Variants in PTPRN2 observed in about 807,000 individuals in gnomAD.
PTPRN2 encodes the protein receptor-type tyrosine-protein phosphatase N2.
Under a neutral mutation model 118.8 loss-of-function variants are expected in PTPRN2, and 74 were observed. That is an observed-to-expected ratio of 0.62 (90% CI 0.52 to 0.76). PTPRN2 has a LOEUF of 0.76. Among genes scored for constraint, PTPRN2 ranks in the 30% least tolerant of loss-of-function variants. The pLI is 0.00. For missense variants in PTPRN2, 1,481 were observed against 1,394.4 expected (o/e 1.06, Z -0.99); for synonymous variants, 641 against 608.0 (o/e 1.05, Z -0.80).
intron 21 of PTPRN2, among the ~76,000 whole-genome samples, chr7:157,558,131 A>AATTCCGAGTCCT (rs112376581): frequency 5.5e-4 from 72 of 129,882 alleles, no homozygotes; most frequent in African/African-American, 2.1e-3. Context: ...ATGGCTCCAC[A>AATTCCGAGTCCT]ATTCCGAGTC....
chr7:158,342,111 A>C lies in PTPRN2; in HGVS notation c.164-25179T>G, dbSNP rs1326406058. ...GGTGTCACCTGCAGACGTCACTCAC[A>C]CCCACACTCTCACCATAAGAGCTGT... is the stretch of plus-strand genomic sequence containing the variant. On this transcript the variant is annotated intron_variant, in intron 2 of 22. Transcript: ENST00000389418. 7.5e-5 allele frequency among the ~76,000 whole-genome samples: 11 copies of C among 145,854 alleles called. No individual in the cohort carries two copies. The East Asian group carries it at 2.1e-3, about 28-fold the overall frequency.
Position 158,133,766 on chromosome 7 carries a change from C to T in PTPRN2, c.1467G>A (p.Ala489=), listed in dbSNP as rs145928904. The stretch of plus-strand genomic sequence containing the variant: ...CGTCGCTGAGGGCCTCCTGAGCACC[C>T]GCTGGAAGGCTCTGCTCCTCCTTCG... ...GPSKEEQSLP[A]GAQEALSDGL... Residue 489 remains alanine, a synonymous_variant, in exon 9 of 23, where the codon GCG becomes GCA. Coordinates refer to ENST00000389418, the MANE Select transcript of PTPRN2 (RefSeq NM_002847.5). 11 of 1,613,768 alleles carry T rather than the reference C, an allele frequency of 6.8e-6. No individual in the cohort carries two copies. Among genetic ancestry groups the T allele is most frequent in the South Asian group, 2.2e-5 (2 of 91,084 alleles).
intron 12 of PTPRN2, among the ~76,000 whole-genome samples, chr7:157,833,612 G>A (rs1048717623): frequency 2.6e-5 from 4 of 152,236 alleles, no homozygotes; most frequent in South Asian, 2.1e-4. Context: ...AGTGTGTGAC[G>A]TGGCCGGAGC....
At chr7:158,493,884 CAT>C (rs1821633041) in intron 1 of PTPRN2, among the ~76,000 whole-genome samples, 2 of 152,088 alleles carry the variant, frequency 1.3e-5, no homozygotes, top group African/African-American at 4.8e-5. Context: ...GACACGTACA[CAT>C]ATGCATGCAC....
intron 2 of PTPRN2, among the ~76,000 whole-genome samples, chr7:158,336,590 C>T (rs1478131405): frequency 6.9e-6 from 1 of 145,884 alleles, no homozygotes; most frequent in Non-Finnish European, 1.5e-5. Flanking sequence ...CTGCAGACGT[C>T]ATTCACACCC....
At chr7:158,133,543 G>T in intron 9 of PTPRN2, 134 bp downstream of exon 9, 3 of 1,272,262 alleles carry the variant, frequency 2.4e-6, no homozygotes, top group Non-Finnish European at 3.2e-6. Context: ...CTCCAGGGAT[G>T]CCTGCACCCC....
At chr7:157,725,558 C>T (rs2952638) in intron 12 of PTPRN2, among the ~76,000 whole-genome samples, 1,462 of 74,174 alleles carry the variant, frequency 0.02, no homozygotes, top group East Asian at 0.064. Context: ...GATATCCACA[C>T]GCAGAGGAGT....
At chr7:157,937,658 A>G (rs185545835) in intron 11 of PTPRN2, among the ~76,000 whole-genome samples, 196 of 152,338 alleles carry the variant, frequency 1.3e-3, no homozygotes, top group Admixed American at 2.5e-3. Flanking sequence ...GACTCTCACC[A>G]GCTGCTGAGA....
intron 14 of PTPRN2, among the ~76,000 whole-genome samples, chr7:157,654,813 T>A (rs1164337816): frequency 6.6e-6 from 1 of 152,182 alleles, no homozygotes; most frequent in Non-Finnish European, 1.5e-5. Flanking sequence ...CACCTTGAAA[T>A]GTGGAAATAT....
At chr7:158,086,305 A>T (rs571662071) in intron 10 of PTPRN2, among the ~76,000 whole-genome samples, 12 of 152,162 alleles carry the variant, frequency 7.9e-5, no homozygotes, top group Admixed American at 2.0e-4. Context: ...TGAGATAACC[A>T]TCAGAACAGA....
chr7:158,271,283 A>T (rs1288926480), intron 3 of PTPRN2, among the ~76,000 whole-genome samples: 1 of 152,162 alleles, frequency 6.6e-6, no homozygotes, highest in Non-Finnish European at 1.5e-5. Flanking sequence ...TCTTGGATTA[A>T]ATGCTTTTGA....
chr7:158,207,784 A>G (rs1417583142), intron 3 of PTPRN2, among the ~76,000 whole-genome samples: 1 of 152,154 alleles, frequency 6.6e-6, no homozygotes, highest in East Asian at 1.9e-4. Flanking sequence ...CACCAAACGA[A>G]CTAAATAAGG....
intron 12 of PTPRN2, among the ~76,000 whole-genome samples, chr7:157,702,573 G>A (rs1374251691): frequency 6.6e-6 from 1 of 152,188 alleles, no homozygotes; most frequent in African/African-American, 2.4e-5. Context: ...GGCGTGCTGC[G>A]GCGTTGGTGA....
chr7:158,227,343 C>G lies in PTPRN2; in HGVS notation c.278-22070G>C, dbSNP rs139241072. On this transcript the variant is annotated intron_variant, in intron 3 of 22. Coordinates refer to ENST00000389418, the MANE Select transcript of PTPRN2 (RefSeq NM_002847.5). ...GGTGAGAGAGAGGCGGTATTCATTT[C>G]AAACGCGGTAATACTGAGAGATAAA... Among the ~76,000 whole-genome samples the G allele has an allele frequency of 5.6e-3, 853 of 152,270 alleles. 5 individuals are homozygous for G. Among genetic ancestry groups the G allele is most frequent in the African/African-American group, 0.019 (799 of 41,574 alleles).
rs183821993 is a variant in PTPRN2, at chr7:158,134,078, C to T, written c.1174-19G>A. On this transcript the variant is annotated intron_variant, in intron 8 of 22. Transcript: ENST00000389418. ...GATGGACCTGACAGAGAGGACATTC[C>T]GTGAGGGACGTCTGCGAAAGGAATG... 19 of 1,602,348 alleles carry T rather than the reference C, an allele frequency of 1.2e-5. No homozygotes were observed. Among genetic ancestry groups the T allele is most frequent in the African/African-American group, 1.1e-4 (8 of 74,684 alleles).
chr7:157,618,781 AGG>A lies in PTPRN2; in HGVS notation c.2344+2579_2344+2580del, dbSNP rs1395576967. ...TGTGTTCATGAAAATATTTCTATCTAGGGTTCTCCCAGGAGGTGAACTTGCCG... is the reference window on the plus strand; with the variant it reads ...TGTGTTCATGAAAATATTTCTATCTAGTTCTCCCAGGAGGTGAACTTGCCG... On this transcript the variant is annotated intron_variant, in intron 15 of 22. Transcript: ENST00000389418. The surrounding 1 kb of genome is among the most constrained non-coding windows in gnomAD (Gnocchi z 4.2). 16 of 152,244 alleles carry A rather than the reference AGG, an allele frequency of 1.1e-4. No homozygotes were observed. The highest frequency in any genetic ancestry group is 3.9e-4 in the African/African-American group (16 of 41,446). 9.4% of individuals were successfully genotyped at this position (152,244 alleles called of 1,614,324 possible). A position where few individuals can be genotyped will look rare whatever the true frequency, so the allele number is the denominator to read the frequency against.
At chr7:157,833,005 C>T (rs116459998) in intron 12 of PTPRN2, among the ~76,000 whole-genome samples, 1,594 of 151,832 alleles carry the variant, frequency 0.01, 27 homozygotes, top group African/African-American at 0.034. Context: ...CGTCCAGGAG[C>T]GAGATGTGGC....
chr7:158,352,730 A>G (rs1185389448), intron 2 of PTPRN2, among the ~76,000 whole-genome samples: 2 of 152,258 alleles, frequency 1.3e-5, no homozygotes. Context: ...CAAAGCTCTT[A>G]GCCCTTCCCT....
At chr7:158,259,091 C>T (rs1797221569) in intron 3 of PTPRN2, among the ~76,000 whole-genome samples, 1 of 152,208 alleles carries the variant, frequency 6.6e-6, no homozygotes, top group African/African-American at 2.4e-5. Context: ...CCCCTGATGC[C>T]TCTGCTGCCT....
Sources: gnomAD v4.1 joint callset for allele counts (sites outside exome capture counted in the v4.1 genomes callset) on GRCh38, gnomAD v4.1.1 for gene constraint, Gnocchi (gnomAD v3.1) non-coding constraint, MANE v1.5 for transcripts, NCBI Gene and HGNC (gene_info 2026-07-23, HGNC 2026-07-21) for gene names.